The following TF variants were observed in gnomAD, a reference collection of about 807,000 sequenced individuals.
TF encodes the protein serotransferrin.
TF carries 55 observed loss-of-function variants against 82.4 expected under a neutral mutation model. The ratio of observed to expected loss-of-function variants is 0.67; its 90% CI spans 0.54 to 0.84. The LOEUF (loss-of-function observed/expected upper bound fraction) is 0.84, where lower values mean the gene tolerates loss of function less well. TF is among the 40% of genes least tolerant of loss of function. The probability of loss-of-function intolerance (pLI) is 0.00; values close to 1 mark genes in which losing one functional copy is unlikely to be tolerated. For synonymous variants in TF, 332 were observed against 332.6 expected, an observed-to-expected ratio of 1.00 and a Z score of 0.02; for missense variants, 737 against 868.4, an observed-to-expected ratio of 0.85 and a Z score of 1.90.
chr3:133,732,986 T>A, the TF span, among the ~76,000 whole-genome samples: 1 of 152,180 alleles, frequency 6.6e-6, no homozygotes, highest in East Asian at 1.9e-4. Context: ...GGCCAGGATC[T>A]TCTCTTGTCC....
At chr3:133,715,343 G>A in the TF span, among the ~76,000 whole-genome samples, 1 of 152,080 alleles carries the variant, frequency 6.6e-6, no homozygotes, top group East Asian at 1.9e-4. Context: ...CTACCCACAT[G>A]CCAGCATCTG....
the TF span, chr3:133,701,103 GTGGGGCCATCA>G: frequency 6.5e-6 from 1 of 152,678 alleles, no homozygotes; most frequent in African/African-American, 2.4e-5. Context: ...GCAGGGTGGG[GTGGGGCCATCA>G]TGGGAGGCTT....
intron 12 of TF, among the ~76,000 whole-genome samples, chr3:133,766,987 G>A (rs1265429178): frequency 1.3e-5 from 2 of 152,136 alleles, no homozygotes; most frequent in African/African-American, 2.4e-5. Flanking sequence ...AAATGTAATC[G>A]TTCATCTGGA....
the TF span, among the ~76,000 whole-genome samples, chr3:133,725,915 C>T: frequency 6.6e-6 from 1 of 152,142 alleles, no homozygotes; most frequent in African/African-American, 2.4e-5. Flanking sequence ...TTGAGATAAT[C>T]ATGTGGTTTT....
chr3:133,677,677 C>A, the TF span, among the ~76,000 whole-genome samples: 1 of 151,632 alleles, frequency 6.6e-6, no homozygotes, highest in Non-Finnish European at 1.5e-5. Context: ...CAACAAAAAT[C>A]ATTTCTTTTT....
At chr3:133,773,160 T>C (rs1934300029) in intron 14 of TF, 1 of 151,834 alleles carries the variant, frequency 6.6e-6, no homozygotes, top group South Asian at 2.1e-4. Context: ...GTGGGCTTTT[T>C]TTTTTTCTTT....
In TF at chr3:133,753,583, G is replaced by A. The variant is rs768455889; in HGVS notation, c.217-12G>A. 4.3e-6 allele frequency: 7 copies of A among 1,613,126 alleles called. No individual in the cohort carries two copies. The highest frequency in any genetic ancestry group is 3.3e-5 in the South Asian group (3 of 91,048). On this transcript the variant is annotated splice_polypyrimidine_tract_variant and intron_variant, in intron 2 of 16. Coordinates refer to ENST00000402696, the MANE Select transcript of TF (RefSeq NM_001063.4). ...TCAAGGCTTCATCCAGGACTGGCCT[G>A]TTCTCTTTCAGGCAAACGAAGCGGA...
chr3:133,788,275 G>T lies in TF; in HGVS notation c.*9655G>T, dbSNP rs13321680. 0.34 allele frequency: 51,450 copies of T among 152,002 alleles called. 8,851 individuals carry two copies. The highest frequency in any genetic ancestry group is 0.38 in the Middle Eastern group (112 of 294). 9.4% of individuals were successfully genotyped at this position (152,002 alleles called of 1,614,324 possible). A position where few individuals can be genotyped will look rare whatever the true frequency, so the allele number is the denominator to read the frequency against. On this transcript the variant is annotated 3_prime_UTR_variant, in exon 17 of 17. Transcript: ENST00000402696. Reference sequence around the variant, plus strand: ...GGCGTACATCAAGTAAATGACTAGGGTGTATACTAAGTAAATGACTTTGTA... The same window carrying T: ...GGCGTACATCAAGTAAATGACTAGGTTGTATACTAAGTAAATGACTTTGTA...
At chr3:133,675,294 A>G in the TF span, among the ~76,000 whole-genome samples, 2 of 151,834 alleles carry the variant, frequency 1.3e-5, no homozygotes, top group African/African-American at 4.8e-5. Context: ...AAAGAGCAAT[A>G]TATGTGACAT....
At chr3:133,665,162 A>T in the TF span, 18 of 152,006 alleles carry the variant, frequency 1.2e-4, no homozygotes, top group African/African-American at 4.1e-4. Flanking sequence ...ATATTTACAA[A>T]CTTTTTTAAA....
At chr3:133,672,117 A>T in the TF span, among the ~76,000 whole-genome samples, 1 of 152,216 alleles carries the variant, frequency 6.6e-6, no homozygotes, top group African/African-American at 2.4e-5. Context: ...AAAATTAGAT[A>T]AAATGGACAA....
At position 133,787,987 on chromosome 3, in the gene TF, G is replaced by C. The variant is rs1217587888; in HGVS notation, c.*9367G>C. 6.6e-6 allele frequency: 1 copy of C among 152,186 alleles called. No individual in the cohort carries two copies. Among genetic ancestry groups the C allele is most frequent in the East Asian group, 1.9e-4 (1 of 5,200 alleles). The allele number at this position is 152,186 out of a possible 1,614,324, so 9.4% of individuals were successfully genotyped here. A position where few individuals can be genotyped will look rare whatever the true frequency, so the allele number is the denominator to read the frequency against. On this transcript the variant is annotated 3_prime_UTR_variant, in exon 17 of 17. Transcript: ENST00000402696. ...ACATGGGCCCATATCCACCAGGTTGGTGGTGCAGAGGAGCTGGAAGAAATG... is the reference window on the plus strand; with the variant it reads ...ACATGGGCCCATATCCACCAGGTTGCTGGTGCAGAGGAGCTGGAAGAAATG...
the TF span, among the ~76,000 whole-genome samples, chr3:133,668,804 T>C: frequency 1.3e-5 from 2 of 152,012 alleles, no homozygotes; most frequent in Non-Finnish European, 2.9e-5. Context: ...TTATGACCTA[T>C]AGGGAAAAAA....
chr3:133,712,170 C>T, the TF span, among the ~76,000 whole-genome samples: 5 of 152,184 alleles, frequency 3.3e-5, no homozygotes, highest in Non-Finnish European at 7.3e-5. Flanking sequence ...GCCCTACAGG[C>T]TGCAAGTTTT....
chr3:133,708,770 GT>G, the TF span, among the ~76,000 whole-genome samples: 77,219 of 145,036 alleles, frequency 0.53, 20,378 homozygotes, highest in Admixed American at 0.57. Context: ...AAATGTATAG[GT>G]TTTTTTTTTT....
chr3:133,759,390 G>C (rs1933926939), intron 9 of TF, 61 bp downstream of exon 9: 1 of 1,599,978 alleles, frequency 6.3e-7, no homozygotes, highest in Non-Finnish European at 8.5e-7. Context: ...TGGCCCCCAA[G>C]ACTGAGCTAG....
chr3:133,712,220 G>A, the TF span, among the ~76,000 whole-genome samples: 2 of 152,196 alleles, frequency 1.3e-5, no homozygotes, highest in Admixed American at 1.3e-4. Context: ...TCATGGTGGT[G>A]CCCTGGAGCC....
At chr3:133,754,206 T>G in intron 3 of TF, 2 of 464,350 alleles carry the variant, frequency 4.3e-6, no homozygotes, top group Non-Finnish European at 7.9e-6. Context: ...GGTTGGTAGG[T>G]GTAGGCAGAC....
intron 8 of TF, among the ~76,000 whole-genome samples, chr3:133,758,956 T>C (rs2107918787): frequency 6.6e-6 from 1 of 152,286 alleles, no homozygotes; most frequent in South Asian, 2.1e-4. Flanking sequence ...GAGAGGAAAG[T>C]TGGCTTCTCG....
Sources: allele counts gnomAD v4.1 joint callset (sites outside exome capture counted in the v4.1 genomes callset), GRCh38; gene constraint gnomAD v4.1.1; transcripts MANE v1.5; gene names NCBI Gene and HGNC (gene_info 2026-07-23, HGNC 2026-07-21).